The following RPS6KA3 variants were observed in gnomAD, a reference collection of about 807,000 sequenced individuals.
RPS6KA3 encodes ribosomal protein S6 kinase A3.
In RPS6KA3, 4 loss-of-function variants were observed where a neutral mutation model predicts 67.2. That is an observed-to-expected ratio of 0.06 (90% confidence interval 0.03 to 0.14). The LOEUF is 0.14. RPS6KA3 is among the 10% of genes least tolerant of loss of function. The pLI is 1.00. For synonymous variants in RPS6KA3, 182 were observed against 183.7 expected (o/e 0.99, Z 0.07); for missense variants, 204 against 559.0 (o/e 0.36, Z 6.40).
chrX:20,214,841 CTTTT>C, intron 2 of RPS6KA3, among the ~76,000 whole-genome samples: 1 of 90,357 alleles, frequency 1.1e-5, no homozygotes, highest in Admixed American at 1.2e-4. Context: ...TTCTTTTTTT[CTTTT>C]TTTTTTTTTT....
At position 20,210,806 on chromosome X, in the gene RPS6KA3, G is replaced by A. The variant is rs184794915; in HGVS notation, c.127-1402C>T. On this transcript the variant is annotated intron_variant, in intron 2 of 21. Coordinates refer to ENST00000379565, the MANE Select transcript of RPS6KA3 (RefSeq NM_004586.3). ...CATTATCTCCTTTAATTCTCACAAC[G>A]ATCCTGTGCAGTAGGTATTAGCGTA... Among the ~76,000 whole-genome samples, 202 of 110,479 alleles carry A rather than the reference G, an allele frequency of 1.8e-3. 1 individual carries two copies. The highest frequency in any genetic ancestry group is 6.4e-3 in the African/African-American group (195 of 30,373).
At chrX:20,184,832 T>C in intron 10 of RPS6KA3, among the ~76,000 whole-genome samples, 1 of 112,446 alleles carries the variant, frequency 8.9e-6, no homozygotes, top group East Asian at 2.8e-4. Context: ...TTTTAAAATT[T>C]CTTTAAATAA....
At position 20,154,737 on chromosome X, in the gene RPS6KA3, T is replaced by C. The variant is rs1019311503; in HGVS notation, c.*661A>G. ...AGTGAAACAGACGTGGGGAAAGATA[T>C]GTACATTTTGGAAGTATTACATTCA... is the stretch of plus-strand genomic sequence containing the variant. On this transcript the variant is annotated 3_prime_UTR_variant, in exon 22 of 22. Transcript: ENST00000379565. 4 of 113,905 alleles carry C rather than the reference T, an allele frequency of 3.5e-5. No homozygotes were observed. Among genetic ancestry groups the C allele is most frequent in the African/African-American group, 1.3e-4 (4 of 30,916 alleles). The allele number at this position is 113,905 out of a possible 1,213,427, so 9.4% of individuals were successfully genotyped here. A position where few individuals can be genotyped will look rare whatever the true frequency, so the allele number is the denominator to read the frequency against.
chrX:20,185,861 G>A (rs895130614), intron 10 of RPS6KA3, among the ~76,000 whole-genome samples: 1 of 111,775 alleles, frequency 8.9e-6, no homozygotes, highest in Non-Finnish European at 1.9e-5. Context: ...TTCAAACCAC[G>A]TAATATTGAT....
intron 2 of RPS6KA3, 45 bp downstream of exon 2, chrX:20,234,713 G>T: frequency 1.2e-6 from 1 of 855,639 alleles, no homozygotes; most frequent in Non-Finnish European, 1.8e-6. Context: ...TAACTTTACA[G>T]TATTTCATTT....
chrX:20,186,382 A>G lies in RPS6KA3; in HGVS notation c.775-16T>C, dbSNP rs370796716. ...GCATTTCAAACTACAGAAAGGCAAA[A>G]TAATCAGAAGTGTTAGTCAATAAAT... On this transcript the variant is annotated splice_polypyrimidine_tract_variant and intron_variant, in intron 9 of 21. Transcript: ENST00000379565. 7 of 1,058,927 alleles carry G rather than the reference A, an allele frequency of 6.6e-6. No individual in the cohort carries two copies. Among genetic ancestry groups the G allele is most frequent in the Non-Finnish European group, 9.2e-6 (7 of 757,193 alleles). 87.3% of individuals were successfully genotyped at this position (1,058,927 alleles called of 1,213,427 possible). A position where few individuals can be genotyped will look rare whatever the true frequency, so the allele number is the denominator to read the frequency against.
intron 1 of RPS6KA3, among the ~76,000 whole-genome samples, chrX:20,237,429 G>C (rs980355058): frequency 8.9e-6 from 1 of 111,899 alleles, no homozygotes; most frequent in East Asian, 2.8e-4. Context: ...TGTATGCAAA[G>C]CAAGTGTCAC....
At chrX:20,225,140 G>T (rs2069078743) in intron 2 of RPS6KA3, among the ~76,000 whole-genome samples, 1 of 109,825 alleles carries the variant, frequency 9.1e-6, no homozygotes, top group Non-Finnish European at 1.9e-5. Flanking sequence ...GAAGGAATGG[G>T]TATTGTGATG....
chrX:20,198,832 A>C (rs2068343217), intron 4 of RPS6KA3, among the ~76,000 whole-genome samples: 1 of 112,136 alleles, frequency 8.9e-6, no homozygotes, highest in African/African-American at 3.2e-5. Context: ...CTTTATGCTC[A>C]TTTTTAAGGT....
intron 1 of RPS6KA3, among the ~76,000 whole-genome samples, chrX:20,256,172 CAAAAAAAAAAAAAAA>C (rs35947983): frequency 1.4e-4 from 2 of 14,465 alleles, no homozygotes; most frequent in African/African-American, 2.3e-4. Flanking sequence ...GACACCGTCT[CAAAAAAAAAAAAAAA>C]AAAAAAAAAA....
At chrX:20,176,062 C>T (rs1158433781) in intron 13 of RPS6KA3, among the ~76,000 whole-genome samples, 188 bp downstream of exon 13, 1 of 110,710 alleles carries the variant, frequency 9.0e-6, no homozygotes, top group African/African-American at 3.3e-5. Context: ...GTAGAGACAG[C>T]GTTTCACTAT....
chrX:20,212,681 G>A (rs183286018), intron 2 of RPS6KA3, among the ~76,000 whole-genome samples: 3 of 110,341 alleles, frequency 2.7e-5, no homozygotes, highest in African/African-American at 9.9e-5. Flanking sequence ...CGAGGCTACA[G>A]TGAGCCATGA....
At chrX:20,229,983 A>T (rs937268010) in intron 2 of RPS6KA3, among the ~76,000 whole-genome samples, 1 of 112,295 alleles carries the variant, frequency 8.9e-6, no homozygotes, top group Non-Finnish European at 1.9e-5. Flanking sequence ...ACAGAGAATA[A>T]AAAATTTGGA....
chrX:20,233,800 T>C (rs1339000279), intron 2 of RPS6KA3, among the ~76,000 whole-genome samples: 2 of 111,730 alleles, frequency 1.8e-5, no homozygotes, highest in Admixed American at 9.5e-5. Flanking sequence ...GGTAGTTCTA[T>C]ATGTACTGTC....
Position 20,266,783 on chromosome X carries a change from G to T in RPS6KA3, c.-151C>A, listed in dbSNP as rs1169811230. On this transcript the variant is annotated 5_prime_UTR_variant, in exon 1 of 22. Coordinates refer to ENST00000379565, the MANE Select transcript of RPS6KA3 (RefSeq NM_004586.3). ...CGGCAGCGGCAGCAGCAGCAGCAGC[G>T]GCGGCGGCCCCAGAGAGGGCTCGAC... 1 of 346,987 alleles carries T rather than the reference G, an allele frequency of 2.9e-6. No homozygotes were observed. Among genetic ancestry groups the T allele is most frequent in the Non-Finnish European group, 3.7e-6 (1 of 267,866 alleles). The allele number at this position is 346,987 out of a possible 1,213,427, so 28.6% of individuals were successfully genotyped here. A position where few individuals can be genotyped will look rare whatever the true frequency, so the allele number is the denominator to read the frequency against.
At chrX:20,198,812 G>C (rs2068342364) in intron 4 of RPS6KA3, among the ~76,000 whole-genome samples, 1 of 112,136 alleles carries the variant, frequency 8.9e-6, no homozygotes, top group Admixed American at 9.4e-5. Flanking sequence ...TTTGAACAAA[G>C]ACTGGATATC....
chrX:20,236,532 A>C (rs2148787928), intron 1 of RPS6KA3, among the ~76,000 whole-genome samples: 1 of 111,107 alleles, frequency 9.0e-6, no homozygotes, highest in East Asian at 2.8e-4. Context: ...CCATTCATTC[A>C]TTTCATTCAA....
chrX:20,248,602 CCTT>C (rs1336330447), intron 1 of RPS6KA3, among the ~76,000 whole-genome samples: 3 of 111,671 alleles, frequency 2.7e-5, no homozygotes, highest in African/African-American at 9.8e-5. Context: ...GCCTCAGCCT[CCTT>C]CCAAGTAGCT....
chrX:20,246,115 C>G (rs1349817285), intron 1 of RPS6KA3, among the ~76,000 whole-genome samples: 14 of 76,635 alleles, frequency 1.8e-4, no homozygotes, highest in African/African-American at 9.5e-4. Context: ...GACTCCATCT[C>G]GGAAAAGAAA....
Sources: gnomAD v4.1 joint callset for allele counts (sites outside exome capture counted in the v4.1 genomes callset) on GRCh38, gnomAD v4.1.1 for gene constraint, MANE v1.5 for transcripts, NCBI Gene and HGNC (gene_info 2026-07-23, HGNC 2026-07-21) for gene names.